Variants in GRID2 observed in about 807,000 individuals in gnomAD.
GRID2 encodes the protein glutamate receptor ionotropic, delta-2.
Under a neutral mutation model 114.8 loss-of-function variants are expected in GRID2, and 33 were observed. The observed-to-expected ratio is 0.29, with a 90% confidence interval of 0.22 to 0.38. The LOEUF is 0.38. Among genes scored for constraint, GRID2 ranks in the 10% least tolerant of loss-of-function variants. GRID2 has a pLI of 1.00. For missense variants in GRID2, 1,184 were observed against 1,257.7 expected, an observed-to-expected ratio of 0.94 and a Z score of 0.89; for synonymous variants, 505 against 449.9, an observed-to-expected ratio of 1.12 and a Z score of -1.55.
intron 1 of GRID2, among the ~76,000 whole-genome samples, chr4:92,420,753 C>T (rs1372922649): frequency 6.6e-6 from 1 of 152,146 alleles, no homozygotes; most frequent in Non-Finnish European, 1.5e-5. Context: ...GGTGTGATCT[C>T]AGCTCACTGC....
chr4:92,940,551 C>T (rs1172505924), intron 2 of GRID2, among the ~76,000 whole-genome samples: 1 of 152,110 alleles, frequency 6.6e-6, no homozygotes. Context: ...TAATTGAATG[C>T]CCTTTATTTC....
intron 2 of GRID2, among the ~76,000 whole-genome samples, chr4:92,732,972 A>G (rs963934061): frequency 1.3e-5 from 2 of 152,138 alleles, no homozygotes; most frequent in Non-Finnish European, 2.9e-5. Flanking sequence ...AAGAAACTTT[A>G]TGATTAATTA....
At chr4:92,602,700 C>A (rs1396066430) in intron 2 of GRID2, among the ~76,000 whole-genome samples, 1 of 152,060 alleles carries the variant, frequency 6.6e-6, no homozygotes, top group Non-Finnish European at 1.5e-5. Flanking sequence ...GAAGTTCTGG[C>A]CAGGGTAATC....
intron 2 of GRID2, among the ~76,000 whole-genome samples, chr4:92,804,676 G>T (rs1438428515): frequency 1.3e-5 from 2 of 151,960 alleles, no homozygotes. Flanking sequence ...TGAGAATTGG[G>T]AAACAGAACT....
chr4:92,885,970 T>C (rs761869736), intron 2 of GRID2, among the ~76,000 whole-genome samples: 1 of 152,194 alleles, frequency 6.6e-6, no homozygotes, highest in African/African-American at 2.4e-5. Context: ...AAAATTCAAC[T>C]GAATTTTAAG....
At chr4:92,597,292 T>C (rs1318504936) in intron 2 of GRID2, among the ~76,000 whole-genome samples, 1 of 152,066 alleles carries the variant, frequency 6.6e-6, no homozygotes, top group East Asian at 1.9e-4. Flanking sequence ...AGTCTAATCT[T>C]TTTTCCTGTT....
intron 2 of GRID2, among the ~76,000 whole-genome samples, chr4:93,022,509 C>T (rs1404372710): frequency 6.6e-6 from 1 of 151,830 alleles, no homozygotes; most frequent in Non-Finnish European, 1.5e-5. Context: ...GATCATAAAT[C>T]TTTGCAATAT....
At chr4:92,440,818 A>G (rs866001866) in intron 1 of GRID2, among the ~76,000 whole-genome samples, 8 of 152,138 alleles carry the variant, frequency 5.3e-5, no homozygotes, top group African/African-American at 1.4e-4. Flanking sequence ...ATGGGGGTCA[A>G]GTGTGGTATC....
intron 13 of GRID2, among the ~76,000 whole-genome samples, chr4:93,555,253 G>A (rs1464016725): frequency 6.6e-6 from 1 of 152,162 alleles, no homozygotes; most frequent in South Asian, 2.1e-4. Flanking sequence ...ATGCCAGCGA[G>A]ACAGAACCTT....
intron 1 of GRID2, among the ~76,000 whole-genome samples, chr4:92,436,892 T>C (rs1732760847): frequency 6.6e-6 from 1 of 152,152 alleles, no homozygotes; most frequent in Non-Finnish European, 1.5e-5. Flanking sequence ...ATTATGTGTA[T>C]AATGTTTATC....
intron 2 of GRID2, among the ~76,000 whole-genome samples, chr4:93,082,097 G>A (rs1729919435): frequency 6.6e-6 from 1 of 152,194 alleles, no homozygotes; most frequent in African/African-American, 2.4e-5. Context: ...CAGCCTTGAA[G>A]GGGAAATGGC....
At chr4:93,379,974 C>G (rs992470050) in intron 8 of GRID2, among the ~76,000 whole-genome samples, 1 of 152,014 alleles carries the variant, frequency 6.6e-6, no homozygotes, top group African/African-American at 2.4e-5. Context: ...AAGCTTGACA[C>G]TAAAATGAGA....
chr4:92,983,189 C>T (rs1754322472), intron 2 of GRID2, among the ~76,000 whole-genome samples: 1 of 151,962 alleles, frequency 6.6e-6, no homozygotes, highest in African/African-American at 2.4e-5. Flanking sequence ...TAACAGAATA[C>T]AAGAGGATGG....
chr4:93,725,774 A>G (rs1729818625), intron 14 of GRID2, among the ~76,000 whole-genome samples: 2 of 152,158 alleles, frequency 1.3e-5, no homozygotes. Context: ...GACTGCATAA[A>G]TGTCTTCTTT....
chr4:92,455,381 C>A (rs539646314), intron 1 of GRID2, among the ~76,000 whole-genome samples: 1 of 152,022 alleles, frequency 6.6e-6, no homozygotes, highest in African/African-American at 2.4e-5. Flanking sequence ...CTCTGTATAC[C>A]CCAAACGACC....
intron 14 of GRID2, among the ~76,000 whole-genome samples, chr4:93,740,717 A>T (rs1731290924): frequency 6.6e-6 from 1 of 152,134 alleles, no homozygotes; most frequent in South Asian, 2.1e-4. Flanking sequence ...TACTTCTTAA[A>T]ATCTAAAACC....
At chr4:93,329,918 A>C (rs1452354607) in intron 8 of GRID2, among the ~76,000 whole-genome samples, 1 of 152,074 alleles carries the variant, frequency 6.6e-6, no homozygotes, top group African/African-American at 2.4e-5. Context: ...GCGAAAAAAA[A>C]AAAAATTGTA....
At chr4:92,740,753 T>C (rs981921492) in intron 2 of GRID2, among the ~76,000 whole-genome samples, 19 of 149,710 alleles carry the variant, frequency 1.3e-4, no homozygotes, top group African/African-American at 4.0e-4. Context: ...GATAGATAGA[T>C]AGACAGATAG....
chr4:92,791,895 G>A (rs1396474649), intron 2 of GRID2, among the ~76,000 whole-genome samples: 1 of 151,856 alleles, frequency 6.6e-6, no homozygotes, highest in Non-Finnish European at 1.5e-5. Flanking sequence ...GAATTTAAGA[G>A]GTTCTTTAGT....
Sources: gnomAD v4.1 joint callset for allele counts (sites outside exome capture counted in the v4.1 genomes callset) on GRCh38, gnomAD v4.1.1 for gene constraint, MANE v1.5 for transcripts, NCBI Gene and HGNC (gene_info 2026-07-23, HGNC 2026-07-21) for gene names.